DLG2: variants seen among roughly 807,000 people sequenced by gnomAD.
DLG2 encodes the protein disks large homolog 2.
DLG2 carries 45 observed loss-of-function variants against 132.5 expected under a neutral mutation model. The observed-to-expected ratio is 0.34, with a 90% CI of 0.27 to 0.44. The LOEUF (loss-of-function observed/expected upper bound fraction) is 0.44, where lower values mean the gene tolerates loss of function less well. Ranked by LOEUF, DLG2 falls within the 20% of genes least tolerant of loss-of-function variation. The pLI, the probability that DLG2 is intolerant of heterozygous loss-of-function variation, is 1.00. For missense variants in DLG2, 1,045 were observed against 1,196.9 expected (o/e 0.87, Z 1.87); for synonymous variants, 424 against 419.6 (o/e 1.01, Z -0.13).
Position 84,059,398 on chromosome 11 carries a change from C to T in DLG2, c.836G>A (p.Gly279Glu). The T allele has an allele frequency of 6.2e-7, 1 of 1,613,326 alleles. No homozygotes were observed. Among genetic ancestry groups the T allele is most frequent in the South Asian group, 1.1e-5 (1 of 90,932 alleles). ...SKAVEALKEA[G>E]SIVRLYVRRR... ...ACGCACATACAGCCGAACGATAGAC[C>T]CTGCTTCCTTCAGGGCTTCCACCGC... is the stretch of plus-strand genomic sequence containing the variant. The change falls in exon 11 of 28, where the codon GGG becomes GAG. Residue 279 changes from glycine to glutamate, a missense_variant. Gly to Glu is a moderately conservative substitution (Grantham distance 98). Coordinates refer to ENST00000376104, the MANE Select transcript of DLG2 (RefSeq NM_001142699.3).
chr11:83,706,997 C>T (rs2084167721), intron 18 of DLG2, among the ~76,000 whole-genome samples: 1 of 152,190 alleles, frequency 6.6e-6, no homozygotes, highest in African/African-American at 2.4e-5. Context: ...AGATACTTTC[C>T]ATACATTTTA....
chr11:84,758,714 T>C (rs1302763000), intron 6 of DLG2, among the ~76,000 whole-genome samples: 7 of 152,290 alleles, frequency 4.6e-5, no homozygotes, highest in African/African-American at 1.4e-4. Context: ...TAATATTACA[T>C]AAATCCTATG....
chr11:84,524,731 T>A (rs2099314819), intron 7 of DLG2, among the ~76,000 whole-genome samples: 1 of 152,216 alleles, frequency 6.6e-6, no homozygotes, highest in Non-Finnish European at 1.5e-5. Context: ...CAGAATAGTT[T>A]TCTAATCAGT....
rs1214749502 is a variant in DLG2 at position 83,469,379 on chromosome 11, T to C, written c.2447-6A>G. 6.2e-7 allele frequency: 1 copy of C among 1,600,818 alleles called. No homozygotes were observed. The highest frequency in any genetic ancestry group is 1.8e-5 in the Admixed American group (1 of 56,634). On this transcript the variant is annotated splice_polypyrimidine_tract_variant and splice_region_variant and intron_variant, in intron 24 of 27. Transcript: ENST00000376104. ...TCGCTTTGGCCTCGTAGTATCTTTA[T>C]AAAACAAAAAATGATAAAATTAAGG... is the stretch of plus-strand genomic sequence containing the variant.
intron 5 of DLG2, among the ~76,000 whole-genome samples, chr11:85,117,640 G>A (rs1566884006): frequency 2.8e-5 from 4 of 142,160 alleles, no homozygotes; most frequent in Non-Finnish European, 3.1e-5. Flanking sequence ...TCGTAAATAG[G>A]AATAAAAAAA....
chr11:84,644,102 G>A (rs191358652), intron 6 of DLG2, among the ~76,000 whole-genome samples: 29 of 152,208 alleles, frequency 1.9e-4, no homozygotes, highest in Admixed American at 5.2e-4. Flanking sequence ...ATACGTGGCC[G>A]TCTATACATG....
rs115772568 is a variant in DLG2 at position 84,263,941 on chromosome 11, T to C, written c.520-12650A>G. 1.9e-3 allele frequency among the ~76,000 whole-genome samples: 292 copies of C among 152,296 alleles called. 3 individuals carry two copies. The highest frequency in any genetic ancestry group is 6.3e-3 in the African/African-American group (263 of 41,574). On this transcript the variant is annotated intron_variant, in intron 7 of 27. Transcript: ENST00000376104. ...TAAACAATGGCACTTGGGCGCTCATTACAAGACGAACAGGGTACAGGATAT... is the reference window on the plus strand; with the variant it reads ...TAAACAATGGCACTTGGGCGCTCATCACAAGACGAACAGGGTACAGGATAT...
chr11:85,276,924 T>G (rs1048417506), intron 4 of DLG2, among the ~76,000 whole-genome samples: 1 of 152,144 alleles, frequency 6.6e-6, no homozygotes, highest in Non-Finnish European at 1.5e-5. Flanking sequence ...TGTCAAACAC[T>G]ATAACAGAGG....
chr11:84,435,380 G>T (rs2098997493), intron 7 of DLG2, among the ~76,000 whole-genome samples: 1 of 151,936 alleles, frequency 6.6e-6, no homozygotes, highest in South Asian at 2.1e-4. Context: ...ATTTTTTGAG[G>T]CAACACACCT....
intron 6 of DLG2, among the ~76,000 whole-genome samples, chr11:84,804,094 C>T (rs962932584): frequency 6.6e-6 from 1 of 152,168 alleles, no homozygotes; most frequent in African/African-American, 2.4e-5. Flanking sequence ...ATGATGGATA[C>T]AGTGGTTCAC....
chr11:84,636,308 T>C (rs950518073), intron 6 of DLG2, among the ~76,000 whole-genome samples: 24 of 152,208 alleles, frequency 1.6e-4, no homozygotes, highest in Non-Finnish European at 3.2e-4. Context: ...AGGATTTATA[T>C]GCTATTTACA....
intron 6 of DLG2, among the ~76,000 whole-genome samples, chr11:85,061,467 T>C (rs1157938284): frequency 6.6e-6 from 1 of 151,874 alleles, no homozygotes; most frequent in Non-Finnish European, 1.5e-5. Flanking sequence ...CTGCAACAAA[T>C]GTGCTGCTTC....
In DLG2 at chr11:83,469,279, G is replaced by A; in HGVS notation, c.2541C>T (p.His847=). 6.2e-7 allele frequency: 1 copy of A among 1,613,742 alleles called. No individual in the cohort carries two copies. The part of the protein sequence containing the change: ...REQMEKDIQE[H]KFIEAGQYND... The stretch of plus-strand genomic sequence containing the variant: ...TGTACTGGCCGGCTTCTATAAACTT[G>A]TGCTCTTGGATATCTTTCTCCATTT... Residue 847 remains histidine, a synonymous_variant, in exon 25 of 28, where the codon CAC becomes CAT. Coordinates refer to ENST00000376104, the MANE Select transcript of DLG2 (RefSeq NM_001142699.3).
intron 6 of DLG2, among the ~76,000 whole-genome samples, chr11:84,706,976 T>G (rs1425639747): frequency 6.6e-6 from 1 of 151,816 alleles, no homozygotes; most frequent in Non-Finnish European, 1.5e-5. Context: ...TGTACACCAA[T>G]GCCAAATGCT....
intron 5 of DLG2, among the ~76,000 whole-genome samples, chr11:85,116,922 T>C (rs138046229): frequency 6.6e-6 from 1 of 152,002 alleles, no homozygotes; most frequent in Non-Finnish European, 1.5e-5. Context: ...TCACCTACAA[T>C]TAGCAAAAGA....
chr11:84,205,094 G>A lies in DLG2; in HGVS notation c.574-41583C>T, dbSNP rs563199661. 7.9e-5 allele frequency among the ~76,000 whole-genome samples: 12 copies of A among 152,284 alleles called. No homozygotes were observed. In the South Asian group the frequency reaches 1.7e-3, roughly 21 times the overall value. On this transcript the variant is annotated intron_variant, in intron 8 of 27. Coordinates refer to ENST00000376104, the MANE Select transcript of DLG2 (RefSeq NM_001142699.3). Reference sequence around the variant, plus strand: ...ACAAATCATAATAATAGTGAACTGCGTTATTAAAGGAGATGATGTAGACTG... The same window carrying A: ...ACAAATCATAATAATAGTGAACTGCATTATTAAAGGAGATGATGTAGACTG...
chr11:85,256,168 C>T (rs928070591), intron 4 of DLG2, among the ~76,000 whole-genome samples: 1 of 152,050 alleles, frequency 6.6e-6, no homozygotes, highest in African/African-American at 2.4e-5. Flanking sequence ...CCATATAAAC[C>T]CCAAACCCCA....
At chr11:85,470,006 T>G (rs1398001095) in intron 3 of DLG2, among the ~76,000 whole-genome samples, 2 of 152,172 alleles carry the variant, frequency 1.3e-5, no homozygotes, top group African/African-American at 4.8e-5. Context: ...TCTGCCTACC[T>G]TTCTACTTCC....
intron 7 of DLG2, among the ~76,000 whole-genome samples, chr11:84,359,419 C>G (rs2098636876): frequency 1.3e-5 from 2 of 151,872 alleles, no homozygotes; most frequent in South Asian, 4.1e-4. Flanking sequence ...GCTTAAAATT[C>G]ATTAATGTTG....
Sources: gnomAD v4.1 joint callset for allele counts (sites outside exome capture counted in the v4.1 genomes callset) on GRCh38, gnomAD v4.1.1 for gene constraint, MANE v1.5 for transcripts, NCBI Gene and HGNC (gene_info 2026-07-23, HGNC 2026-07-21) for gene names.